The following CRLF3 variants were observed in gnomAD, a reference collection of about 807,000 sequenced individuals.
The protein encoded by CRLF3 is cytokine receptor like factor 3.
CRLF3 carries 33 observed loss-of-function variants against 55.0 expected under a neutral mutation model. The ratio of observed to expected loss-of-function variants is 0.60; its 90% CI spans 0.46 to 0.80. The LOEUF (loss-of-function observed/expected upper bound fraction) is 0.80. CRLF3 is among the 30% of genes least tolerant of loss of function. CRLF3 has a pLI of 0.00. For missense variants in CRLF3, 494 were observed against 538.4 expected (o/e 0.92, Z 0.82); for synonymous variants, 238 against 196.8 (o/e 1.21, Z -1.75).
intron 1 of CRLF3, among the ~76,000 whole-genome samples, chr17:30,820,763 T>C (rs536678641): frequency 3.1e-4 from 46 of 146,962 alleles, no homozygotes; most frequent in Middle Eastern, 3.3e-3. Flanking sequence ...GAGCTGAAGG[T>C]TGCAATGAGC....
rs1331477288 is a variant in CRLF3 at position 30,796,173 on chromosome 17, A to G, written c.590T>C (p.Val197Ala). 1.2e-6 allele frequency: 2 copies of G among 1,612,404 alleles called. No individual in the cohort carries two copies. The highest frequency in any genetic ancestry group is 2.2e-5 in the South Asian group (2 of 90,776). ...ELIEKPGGIIVRWCKVDDDFT... is the reference protein window; with the variant it reads ...ELIEKPGGIIARWCKVDDDFT... ...TGAATTACATACCTTACACCATCGT[A>G]CAATGATGCCTCCAGGTTTCTCTAT... Residue 197 changes from valine to alanine, a missense_variant, in exon 4 of 8, where the codon GTA (valine) becomes GCA (alanine). By Grantham distance (64) the Val-to-Ala change is moderately conservative (BLOSUM62 0). Coordinates refer to ENST00000324238, the MANE Select transcript of CRLF3 (RefSeq NM_015986.4).
At chr17:30,786,682 A>T (rs1226580846) in intron 6 of CRLF3, 1 of 142,728 alleles carries the variant, frequency 7.0e-6, no homozygotes, top group Non-Finnish European at 1.5e-5. Context: ...AGGCATTCTG[A>T]CTCTAGAATC....
In CRLF3 at chr17:30,792,533, C is replaced by T. The variant is rs373829171; in HGVS notation, c.866G>A (p.Arg289Gln). ...ATCGTTCCGAAGTGCTATATTTCTTCGACTGCTCAGACTGTACCCCTCAAA... is the reference window on the plus strand; with the variant it reads ...ATCGTTCCGAAGTGCTATATTTCTTTGACTGCTCAGACTGTACCCCTCAAA... Reference protein sequence around the residue: ...AGFEGYSLSSRRNIALRNDSE... With the variant: ...AGFEGYSLSSQRNIALRNDSE... Residue 289 changes from arginine (R) to glutamine (Q), a missense_variant, in exon 6 of 8, where the codon CGA (arginine) becomes CAA (glutamine). Coordinates refer to ENST00000324238, the MANE Select transcript of CRLF3 (RefSeq NM_015986.4). 24 of 1,612,296 alleles carry T rather than the reference C, an allele frequency of 1.5e-5. No individual in the cohort carries two copies. The highest frequency in any genetic ancestry group is 2.2e-5 in the East Asian group (1 of 44,812).
At chr17:30,806,156 G>A (rs908550371) in intron 1 of CRLF3, among the ~76,000 whole-genome samples, 2 of 152,096 alleles carry the variant, frequency 1.3e-5, no homozygotes, top group Admixed American at 1.3e-4. Context: ...GCAGAGCTGG[G>A]ACAATGACTT....
intron 1 of CRLF3, among the ~76,000 whole-genome samples, chr17:30,814,414 G>A (rs1904719423): frequency 6.6e-6 from 1 of 152,158 alleles, no homozygotes; most frequent in African/African-American, 2.4e-5. Flanking sequence ...AGCACTTTGT[G>A]AGGCCGAGGC....
At chr17:30,814,882 T>C (rs1904736842) in intron 1 of CRLF3, among the ~76,000 whole-genome samples, 1 of 151,220 alleles carries the variant, frequency 6.6e-6, no homozygotes, top group African/African-American at 2.4e-5. Context: ...ATGCTTGTAA[T>C]GCCAGCTACT....
intron 1 of CRLF3, among the ~76,000 whole-genome samples, chr17:30,815,670 A>G (rs1388904784): frequency 6.8e-6 from 1 of 146,202 alleles, no homozygotes; most frequent in Non-Finnish European, 1.5e-5. Context: ...CAGCCTCCTG[A>G]GCAGCTGGCA....
intron 6 of CRLF3, among the ~76,000 whole-genome samples, chr17:30,789,133 A>G (rs545594561): frequency 2.6e-5 from 4 of 152,274 alleles, no homozygotes; most frequent in African/African-American, 9.6e-5. Context: ...AAAAAATGAC[A>G]AAAATGCAAA....
intron 1 of CRLF3, among the ~76,000 whole-genome samples, chr17:30,820,583 G>C (rs973150965): frequency 6.6e-6 from 1 of 152,070 alleles, no homozygotes; most frequent in Non-Finnish European, 1.5e-5. Flanking sequence ...CCTGAGGTGA[G>C]GACTTCGAGG....
At chr17:30,795,877 G>A (rs966232310) in intron 4 of CRLF3, among the ~76,000 whole-genome samples, 5 of 151,978 alleles carry the variant, frequency 3.3e-5, no homozygotes, top group South Asian at 2.1e-4. Flanking sequence ...AGCGGCAGGC[G>A]GGGGAGGGCA....
chr17:30,788,914 G>T (rs777832299), intron 6 of CRLF3, among the ~76,000 whole-genome samples: 4 of 151,932 alleles, frequency 2.6e-5, no homozygotes, highest in Non-Finnish European at 5.9e-5. Flanking sequence ...CTAACGTAGT[G>T]CCTTCAAGAG....
chr17:30,796,139 C>G (rs558394365), intron 4 of CRLF3, 21 bp downstream of exon 4: 45 of 1,552,366 alleles, frequency 2.9e-5, no homozygotes, highest in Non-Finnish European at 3.8e-5. Context: ...GAAGTCATTT[C>G]TAGAATTCTG....
Position 30,824,503 on chromosome 17 carries a change from T to C in CRLF3, c.129+20A>G. The C allele has an allele frequency of 1.9e-6, 3 of 1,576,832 alleles. No homozygotes were observed. Among genetic ancestry groups the C allele is most frequent in the Non-Finnish European group, 2.6e-6 (3 of 1,167,220 alleles). ...GCCACCCCCGGGCCCACAGCGCCCC[T>C]GTGGGTGTGGCCCTCCGACCTGCCT... On this transcript the variant is annotated intron_variant, in intron 1 of 7. Transcript: ENST00000324238.
At chr17:30,801,292 T>G (rs1972004658) in intron 2 of CRLF3, 1 of 151,922 alleles carries the variant, frequency 6.6e-6, no homozygotes, top group Non-Finnish European at 1.5e-5. Context: ...CTGGATTACT[T>G]TCTAATAACT....
intron 1 of CRLF3, among the ~76,000 whole-genome samples, chr17:30,808,717 CT>C (rs1490783396): frequency 6.6e-6 from 1 of 152,040 alleles, no homozygotes; most frequent in African/African-American, 2.4e-5. Context: ...CTCAGCCCCC[CT>C]AGTAGCTGGG....
At chr17:30,796,656 A>G (rs1443867563) in intron 3 of CRLF3, among the ~76,000 whole-genome samples, 2 of 152,040 alleles carry the variant, frequency 1.3e-5, no homozygotes, top group Non-Finnish European at 2.9e-5. Context: ...AAAAATGTGT[A>G]GTAATACTAT....
chr17:30,783,987 TAAA>T lies in CRLF3; in HGVS notation c.*197_*199del, dbSNP rs1567655221. 1.9e-6 allele frequency: 1 copy of T among 530,812 alleles called. No individual in the cohort carries two copies. The highest frequency in any genetic ancestry group is 3.0e-5 in the East Asian group (1 of 32,920). 32.9% of individuals were successfully genotyped at this position (530,812 alleles called of 1,614,324 possible). On this transcript the variant is annotated 3_prime_UTR_variant, in exon 8 of 8. Transcript: ENST00000324238. ...GTGATATTTAACAGTATGCTAAAAATAAAATTGACTGAATTGTATGATTTTGTC... is the reference window on the plus strand; with the variant it reads ...GTGATATTTAACAGTATGCTAAAAATATTGACTGAATTGTATGATTTTGTC...
intron 3 of CRLF3, 85 bp downstream of exon 3, chr17:30,797,226 A>T: frequency 1.1e-6 from 1 of 943,234 alleles, no homozygotes; most frequent in Non-Finnish European, 1.7e-6. Context: ...TATCTCCCTT[A>T]ATGAGAATCT....
intron 6 of CRLF3, chr17:30,787,476 A>G (rs1971674617): frequency 6.6e-6 from 1 of 151,912 alleles, no homozygotes; most frequent in Non-Finnish European, 1.5e-5. Context: ...TAGGAAATGT[A>G]CAGATCCCTA....
Sources: gnomAD v4.1 joint callset for allele counts (sites outside exome capture counted in the v4.1 genomes callset) on GRCh38, gnomAD v4.1.1 for gene constraint, MANE v1.5 for transcripts, NCBI Gene and HGNC (gene_info 2026-07-23, HGNC 2026-07-21) for gene names.